Variants in PALLD observed in about 807,000 individuals in gnomAD.
PALLD encodes palladin.
PALLD carries 61 observed loss-of-function variants against 123.5 expected under a neutral mutation model. The observed-to-expected ratio is 0.49, with a 90% CI of 0.40 to 0.61. The LOEUF (loss-of-function observed/expected upper bound fraction) is 0.61. Among genes scored for constraint, PALLD ranks in the 20% least tolerant of loss-of-function variants. The pLI is 0.00. For missense variants in PALLD, 1,273 were observed against 1,377.0 expected, an observed-to-expected ratio of 0.92 and a Z score of 1.20; for synonymous variants, 465 against 496.4, an observed-to-expected ratio of 0.94 and a Z score of 0.84.
chr4:168,857,078 A>G (rs928561798), intron 10 of PALLD, among the ~76,000 whole-genome samples: 11 of 152,250 alleles, frequency 7.2e-5, no homozygotes, highest in Admixed American at 3.3e-4. Context: ...TGTTGGAACC[A>G]TCCTCGTATT....
At chr4:168,501,015 T>C (rs1761345527) in intron 1 of PALLD, among the ~76,000 whole-genome samples, 1 of 152,224 alleles carries the variant, frequency 6.6e-6, no homozygotes, top group African/African-American at 2.4e-5. Context: ...TAGTATACCA[T>C]GAATCTAACA....
At chr4:168,514,576 G>A (rs2149436088) in intron 2 of PALLD, among the ~76,000 whole-genome samples, 1 of 152,260 alleles carries the variant, frequency 6.6e-6, no homozygotes, top group Middle Eastern at 3.4e-3. Flanking sequence ...TTATATACAT[G>A]AAGAATTTGT....
chr4:168,585,738 C>G (rs112667337), intron 2 of PALLD, among the ~76,000 whole-genome samples: 1 of 152,112 alleles, frequency 6.6e-6, no homozygotes, highest in African/African-American at 2.4e-5. Context: ...AGTTGAAAAG[C>G]TCCCCAGCCC....
At chr4:168,508,909 G>C (rs1762273007) in intron 1 of PALLD, among the ~76,000 whole-genome samples, 1 of 152,042 alleles carries the variant, frequency 6.6e-6, no homozygotes, top group Non-Finnish European at 1.5e-5. Flanking sequence ...TGCTGACTGA[G>C]GGGCCAATTG....
intron 2 of PALLD, among the ~76,000 whole-genome samples, chr4:168,532,433 C>G (rs1233100785): frequency 6.6e-6 from 1 of 152,166 alleles, no homozygotes; most frequent in East Asian, 1.9e-4. Context: ...GCCTCTCTAT[C>G]TCTACCAAAA....
At position 168,903,751 on chromosome 4, in the gene PALLD, T is replaced by C; in HGVS notation, c.2473-6T>C. On this transcript the variant is annotated splice_polypyrimidine_tract_variant and splice_region_variant and intron_variant, in intron 14 of 21. Coordinates refer to ENST00000505667, the MANE Select transcript of PALLD (RefSeq NM_001166108.2). ...CCTAATCTTTAATCTTTGTTTCTATTCACAGATCTATTGGTTTAAAGATGG... is the reference window on the plus strand; with the variant it reads ...CCTAATCTTTAATCTTTGTTTCTATCCACAGATCTATTGGTTTAAAGATGG... 1 of 1,607,606 alleles carries C rather than the reference T, an allele frequency of 6.2e-7. No individual in the cohort carries two copies. The highest frequency in any genetic ancestry group is 1.7e-4 in the Middle Eastern group (1 of 5,940).
intron 2 of PALLD, among the ~76,000 whole-genome samples, chr4:168,589,587 C>T (rs1771196459): frequency 7.5e-6 from 1 of 133,898 alleles, no homozygotes; most frequent in Non-Finnish European, 1.7e-5. Context: ...AATTTCTTCA[C>T]ATTTGAAAGC....
intron 2 of PALLD, among the ~76,000 whole-genome samples, chr4:168,654,985 TTGTGTG>T (rs10579101): frequency 7.3e-5 from 11 of 151,328 alleles, no homozygotes; most frequent in Non-Finnish European, 1.2e-4. Flanking sequence ...ATATGGCTAC[TTGTGTG>T]TGTGTGTGTG....
intron 2 of PALLD, among the ~76,000 whole-genome samples, chr4:168,640,074 G>A (rs976236710): frequency 2.0e-5 from 3 of 152,142 alleles, no homozygotes; most frequent in African/African-American, 7.2e-5. Flanking sequence ...AGAAAGTGAC[G>A]ATGACCTCAC....
Position 168,808,341 on chromosome 4 carries a change from A to G in PALLD, c.1965-82581A>G, listed in dbSNP as rs1353559282. Among the ~76,000 whole-genome samples, 4 of 151,934 alleles carry G rather than the reference A, an allele frequency of 2.6e-5. No homozygotes were observed. In the East Asian group the frequency reaches 5.9e-4, roughly 22 times the overall value. On this transcript the variant is annotated intron_variant, in intron 10 of 21. Coordinates refer to ENST00000505667, the MANE Select transcript of PALLD (RefSeq NM_001166108.2). ...TAAAAATACAAAAAATTAGCCAGGC[A>G]TGGTGACGTGTACCTGTAGTCCCAG...
At chr4:168,828,088 A>G (rs1286414684) in intron 10 of PALLD, among the ~76,000 whole-genome samples, 8 of 152,178 alleles carry the variant, frequency 5.3e-5, no homozygotes, top group Admixed American at 5.2e-4. Context: ...ATGGAACAAG[A>G]TCCTGATGCT....
intron 3 of PALLD, among the ~76,000 whole-genome samples, chr4:168,675,785 G>C (rs1780772178): frequency 6.6e-6 from 1 of 152,194 alleles, no homozygotes; most frequent in Admixed American, 6.5e-5. Flanking sequence ...GCCAGGCATG[G>C]TGGCTCATGC....
At chr4:168,600,296 T>G (rs557206742) in intron 2 of PALLD, among the ~76,000 whole-genome samples, 2 of 152,316 alleles carry the variant, frequency 1.3e-5, no homozygotes, top group Non-Finnish European at 2.9e-5. Flanking sequence ...TGGCTATTTT[T>G]GGGGATTAGA....
chr4:168,923,091 A>G lies in PALLD; in HGVS notation c.3059-1164A>G, dbSNP rs565158347. Reference sequence around the variant, plus strand: ...TAGTACCCTGCACAGCAATGCTGCAAAGTGGTAGATGTTATTCTTACTGAT... The same window carrying G: ...TAGTACCCTGCACAGCAATGCTGCAGAGTGGTAGATGTTATTCTTACTGAT... On this transcript the variant is annotated intron_variant, in intron 18 of 21. Coordinates refer to ENST00000505667, the MANE Select transcript of PALLD (RefSeq NM_001166108.2). 5.9e-5 allele frequency among the ~76,000 whole-genome samples: 9 copies of G among 152,356 alleles called. No individual in the cohort carries two copies. In the South Asian group the frequency reaches 1.5e-3, roughly 25 times the overall value.
At chr4:168,742,933 T>A (rs559886657) in intron 10 of PALLD, among the ~76,000 whole-genome samples, 1 of 152,318 alleles carries the variant, frequency 6.6e-6, no homozygotes, top group East Asian at 1.9e-4. Flanking sequence ...GTGATTCAGG[T>A]CATCTGGATT....
intron 10 of PALLD, among the ~76,000 whole-genome samples, chr4:168,801,991 T>C (rs1311694551): frequency 1.3e-5 from 2 of 152,230 alleles, no homozygotes; most frequent in Non-Finnish European, 2.9e-5. Flanking sequence ...AGTCTAGCCA[T>C]GTTCCATGAA....
intron 10 of PALLD, among the ~76,000 whole-genome samples, chr4:168,834,887 T>C (rs1299308496): frequency 2.6e-5 from 4 of 152,230 alleles, no homozygotes; most frequent in Admixed American, 2.6e-4. Flanking sequence ...TTTTGCAAAA[T>C]ATTATTTTCC....
In PALLD at chr4:168,925,219, C is replaced by G; in HGVS notation, c.3359-14C>G. 5 of 1,417,380 alleles carry G rather than the reference C, an allele frequency of 3.5e-6. No homozygotes were observed. The highest frequency in any genetic ancestry group is 5.0e-6 in the Non-Finnish European group (5 of 1,009,448). The allele number at this position is 1,417,380 out of a possible 1,614,324, so 87.8% of individuals were successfully genotyped here. A position where few individuals can be genotyped will look rare whatever the true frequency, so the allele number is the denominator to read the frequency against. ...AAAAAATTCATATTGCTCTCTCTCT[C>G]TTTCTATTTGTAGTTTCTCGACATT... On this transcript the variant is annotated splice_polypyrimidine_tract_variant and intron_variant, in intron 20 of 21. Transcript: ENST00000505667.
intron 3 of PALLD, among the ~76,000 whole-genome samples, chr4:168,673,206 G>A (rs533202800): frequency 6.6e-6 from 1 of 152,206 alleles, no homozygotes; most frequent in Non-Finnish European, 1.5e-5. Flanking sequence ...ACTCCAGAAG[G>A]GGGGCAGAGT....
Sources: gnomAD v4.1 joint callset for allele counts (sites outside exome capture counted in the v4.1 genomes callset) on GRCh38, gnomAD v4.1.1 for gene constraint, MANE v1.5 for transcripts, NCBI Gene and HGNC (gene_info 2026-07-23, HGNC 2026-07-21) for gene names.